Variants in IFT52 observed in about 807,000 individuals in gnomAD.
The protein encoded by IFT52 is intraflagellar transport 52.
In IFT52, 44 loss-of-function variants were observed where a neutral mutation model predicts 54.4. That is an observed-to-expected ratio of 0.81 (90% CI 0.63 to 1.04). The LOEUF (loss-of-function observed/expected upper bound fraction) is 1.04. Ranked by LOEUF, IFT52 falls within the 50% of genes least tolerant of loss-of-function variation. The pLI, the probability that IFT52 is intolerant of heterozygous loss-of-function variation, is 0.00. For missense variants in IFT52, 452 were observed against 523.6 expected, an observed-to-expected ratio of 0.86 and a Z score of 1.33; for synonymous variants, 181 against 185.3, an observed-to-expected ratio of 0.98 and a Z score of 0.19.
chr20:43,606,931 G>A (rs948157996), intron 6 of IFT52, among the ~76,000 whole-genome samples: 2 of 152,190 alleles, frequency 1.3e-5, no homozygotes, highest in African/African-American at 4.8e-5. Context: ...AGGATCCCAA[G>A]GCAGAATTTT....
At chr20:43,619,686 A>G (rs1013124488) in intron 8 of IFT52, among the ~76,000 whole-genome samples, 13 of 152,102 alleles carry the variant, frequency 8.5e-5, no homozygotes, top group African/African-American at 2.9e-4. Context: ...AGGCATTGCA[A>G]TTTTGTCAAA....
At chr20:43,603,250 C>A (rs1209117313) in intron 3 of IFT52, among the ~76,000 whole-genome samples, 2 of 152,174 alleles carry the variant, frequency 1.3e-5, no homozygotes, top group Non-Finnish European at 2.9e-5. Context: ...TGGTCAATGA[C>A]CTTGAACAGA....
At chr20:43,610,469 C>CA (rs1234294568) in intron 6 of IFT52, among the ~76,000 whole-genome samples, 2 of 152,052 alleles carry the variant, frequency 1.3e-5, no homozygotes, top group African/African-American at 4.8e-5. Flanking sequence ...CGCAGTGACT[C>CA]ACGCCTGTAA....
intron 11 of IFT52, among the ~76,000 whole-genome samples, chr20:43,636,453 C>G (rs1231742096): frequency 1.3e-5 from 2 of 152,134 alleles, no homozygotes; most frequent in Non-Finnish European, 2.9e-5. Flanking sequence ...TTAAAATTAC[C>G]TTGTCTCACC....
At chr20:43,640,537 T>G (rs1214824243) in intron 12 of IFT52, among the ~76,000 whole-genome samples, 2 of 152,186 alleles carry the variant, frequency 1.3e-5, no homozygotes, top group African/African-American at 4.8e-5. Flanking sequence ...CATTAAATGA[T>G]GAAGTCAACT....
intron 6 of IFT52, among the ~76,000 whole-genome samples, chr20:43,607,723 C>T (rs1432206126): frequency 6.6e-6 from 1 of 151,822 alleles, no homozygotes; most frequent in Non-Finnish European, 1.5e-5. Flanking sequence ...GGCAGAGACG[C>T]TCCTCACTTC....
intron 6 of IFT52, among the ~76,000 whole-genome samples, chr20:43,607,479 C>T (rs574598441): frequency 1.3e-5 from 2 of 151,692 alleles, no homozygotes; most frequent in Admixed American, 6.6e-5. Context: ...AGACACTCCT[C>T]ACCTCCCAGA....
intron 3 of IFT52, among the ~76,000 whole-genome samples, chr20:43,601,928 C>T (rs905390754): frequency 5.3e-5 from 8 of 152,108 alleles, no homozygotes; most frequent in African/African-American, 1.4e-4. Flanking sequence ...GGATCTGTTA[C>T]ACACCTAGTA....
At chr20:43,620,727 T>C (rs1475156592) in intron 8 of IFT52, 130 bp from the exon 9 acceptor site, 1 of 655,664 alleles carries the variant, frequency 1.5e-6, no homozygotes, top group Non-Finnish European at 2.6e-6. Context: ...CAAGGCTGGC[T>C]ACCCTTTTCT....
At chr20:43,595,638 C>A (rs1981896689) in intron 2 of IFT52, among the ~76,000 whole-genome samples, 1 of 152,184 alleles carries the variant, frequency 6.6e-6, no homozygotes. Flanking sequence ...GTAATCCCAG[C>A]ACTTTGGGAG....
intron 8 of IFT52, among the ~76,000 whole-genome samples, chr20:43,620,643 G>A (rs182578488): frequency 2.6e-5 from 4 of 152,288 alleles, no homozygotes; most frequent in East Asian, 1.9e-4. Context: ...GCGACGGAGC[G>A]AGACTCTGTC....
Position 43,642,575 on chromosome 20 carries a change from T to G in IFT52, c.1217T>G (p.Ile406Ser). The stretch of plus-strand genomic sequence containing the variant: ...AAGGACCAACAGGATGCCAAACATA[T>G]CCTTGAGCACGTCTTCTTCCAAGTG... ...LPKDQQDAKHILEHVFFQVVE... is the reference protein window; with the variant it reads ...LPKDQQDAKHSLEHVFFQVVE... Residue 406 changes from isoleucine to serine, a missense_variant, in exon 13 of 14, where the codon ATC becomes AGC. Coordinates refer to ENST00000373030, the MANE Select transcript of IFT52 (RefSeq NM_016004.5). The G allele has an allele frequency of 6.2e-7, 1 of 1,614,186 alleles. No individual in the cohort carries two copies. The highest frequency in any genetic ancestry group is 1.3e-5 in the African/African-American group (1 of 75,052).
At chr20:43,601,493 C>A (rs571829167) in intron 3 of IFT52, among the ~76,000 whole-genome samples, 2 of 152,330 alleles carry the variant, frequency 1.3e-5, no homozygotes, top group East Asian at 3.9e-4. Context: ...CATGTAAGCT[C>A]CTTCAACTTT....
chr20:43,614,299 A>G (rs1044831473), intron 7 of IFT52, among the ~76,000 whole-genome samples: 9 of 151,066 alleles, frequency 6.0e-5, no homozygotes, highest in African/African-American at 9.8e-5. Context: ...CAGTGGTGCA[A>G]TCTCGGCTCA....
intron 7 of IFT52, among the ~76,000 whole-genome samples, chr20:43,618,032 A>G (rs1983990528): frequency 1.3e-5 from 2 of 151,940 alleles, no homozygotes; most frequent in African/African-American, 4.8e-5. Flanking sequence ...TACAGGCGTG[A>G]GCCACTGCAC....
intron 6 of IFT52, among the ~76,000 whole-genome samples, chr20:43,608,048 T>C (rs1340215509): frequency 1.7e-5 from 1 of 57,154 alleles, no homozygotes; most frequent in Non-Finnish European, 4.5e-5. Flanking sequence ...CTCGGCAGGC[T>C]GAGGCAGGAA....
chr20:43,607,237 A>G (rs1982985540), intron 6 of IFT52, among the ~76,000 whole-genome samples: 1 of 143,064 alleles, frequency 7.0e-6, no homozygotes, highest in Non-Finnish European at 1.5e-5. Context: ...TCCCTCCCGG[A>G]CGGGGCGGCT....
At chr20:43,598,320 C>T (rs575632958) in intron 3 of IFT52, among the ~76,000 whole-genome samples, 1 of 152,164 alleles carries the variant, frequency 6.6e-6, no homozygotes, top group Admixed American at 6.6e-5. Context: ...AGCGTTGCTG[C>T]TTAATAGGTA....
intron 10 of IFT52, among the ~76,000 whole-genome samples, chr20:43,626,534 C>T (rs545158387): frequency 6.6e-6 from 1 of 152,282 alleles, no homozygotes; most frequent in African/African-American, 2.4e-5. Context: ...GCATGAGCCA[C>T]AGCACCTGGA....
Sources: gnomAD v4.1 joint callset for allele counts (sites outside exome capture counted in the v4.1 genomes callset) on GRCh38, gnomAD v4.1.1 for gene constraint, MANE v1.5 for transcripts, NCBI Gene and HGNC (gene_info 2026-07-23, HGNC 2026-07-21) for gene names.